Variants in LATS2 observed in about 807,000 individuals in gnomAD.
The protein encoded by LATS2 is serine/threonine-protein kinase LATS2.
In LATS2, 24 loss-of-function variants were observed where a neutral mutation model predicts 76.0. The ratio of observed to expected loss-of-function variants is 0.32; its 90% CI spans 0.23 to 0.44. The LOEUF is 0.44. Ranked by LOEUF, LATS2 falls within the 20% of genes least tolerant of loss-of-function variation. The pLI, the probability that LATS2 is intolerant of heterozygous loss-of-function variation, is 1.00. For synonymous variants in LATS2, 692 were observed against 635.4 expected, an observed-to-expected ratio of 1.09 and a Z score of -1.34; for missense variants, 1,286 against 1,481.2, an observed-to-expected ratio of 0.87 and a Z score of 2.16.
At position 20,973,901 on chromosome 13, in the gene LATS2, A is replaced by G. The variant is rs568783812; in HGVS notation, c.*969T>C. On this transcript the variant is annotated 3_prime_UTR_variant, in exon 8 of 8. Transcript: ENST00000382592. ...CAGAAACGGACATGTGTCCGTGATT[A>G]AACTTTTTGGCATCGCTGTATTAAT... The G allele has an allele frequency of 8.6e-5, 19 of 221,838 alleles. No homozygotes were observed. Among genetic ancestry groups the G allele is most frequent in the Admixed American group, 4.0e-4 (7 of 17,294 alleles). The allele number at this position is 221,838 out of a possible 1,614,324, so 13.7% of individuals were successfully genotyped here.
intron 2 of LATS2, among the ~76,000 whole-genome samples, chr13:21,006,920 G>C (rs1389300884): frequency 6.6e-6 from 1 of 152,198 alleles, no homozygotes; most frequent in East Asian, 1.9e-4. Context: ...ACTGAACAGA[G>C]CTTGCTTCCC....
intron 4 of LATS2, among the ~76,000 whole-genome samples, chr13:20,984,999 AC>A (rs1870076748): frequency 6.6e-6 from 1 of 152,216 alleles, no homozygotes; most frequent in Non-Finnish European, 1.5e-5. Context: ...AAATAAGTCC[AC>A]GTATTTACAG....
chr13:20,999,965 G>C (rs1870970147), intron 2 of LATS2, among the ~76,000 whole-genome samples: 2 of 151,896 alleles, frequency 1.3e-5, no homozygotes, highest in African/African-American at 4.8e-5. Flanking sequence ...GGGAGGCGGA[G>C]GTTGCAGTGA....
At chr13:21,011,102 G>C (rs1327304388) in intron 2 of LATS2, among the ~76,000 whole-genome samples, 1 of 152,170 alleles carries the variant, frequency 6.6e-6, no homozygotes, top group Non-Finnish European at 1.5e-5. Context: ...TCATAGTGAT[G>C]GTGGCATGTT....
chr13:21,018,933 A>G (rs956754498), intron 2 of LATS2, among the ~76,000 whole-genome samples: 3 of 152,170 alleles, frequency 2.0e-5, no homozygotes, highest in African/African-American at 7.2e-5. Flanking sequence ...GGTGTGAGCC[A>G]CTGTGCCTGG....
At chr13:20,975,964 G>T (rs1216485098) in intron 7 of LATS2, among the ~76,000 whole-genome samples, 2 of 152,204 alleles carry the variant, frequency 1.3e-5, no homozygotes, top group Admixed American at 6.5e-5. Flanking sequence ...ATGGCTTTCT[G>T]CAAACCATCA....
intron 2 of LATS2, among the ~76,000 whole-genome samples, chr13:21,039,198 C>T (rs1872784242): frequency 6.6e-6 from 1 of 152,160 alleles, no homozygotes; most frequent in African/African-American, 2.4e-5. Flanking sequence ...CATTGTAATA[C>T]AATTTCCTGT....
intron 2 of LATS2, among the ~76,000 whole-genome samples, chr13:21,013,804 A>G (rs2138345904): frequency 6.6e-6 from 1 of 152,218 alleles, no homozygotes; most frequent in East Asian, 1.9e-4. Context: ...CGTCTCTACA[A>G]AACAATTTAA....
At position 20,987,969 on chromosome 13, in the gene LATS2, A is replaced by G; in HGVS notation, c.1811T>C (p.Phe604Ser). Residue 604 changes from phenylalanine to serine, a missense_variant, in exon 4 of 8, where the codon TTC becomes TCC. Physicochemically the swap from Phe to Ser is radical, Grantham distance 155. This residue lies in a region of LATS2 where 710 missense variants were observed against 660.9 expected (regional missense o/e 1.07). Coordinates refer to ENST00000382592, the MANE Select transcript of LATS2 (RefSeq NM_014572.3). Reference protein sequence around the residue: ...IKSYSPYAFKFFMEQHVENVI... With the variant: ...IKSYSPYAFKSFMEQHVENVI... ...ATTCTCCACGTGCTGCTCCATGAAG[A>G]ACTTAAAGGCGTATGGCGAGTAGCT... 6.2e-7 allele frequency: 1 copy of G among 1,614,226 alleles called. No homozygotes were observed.
intron 2 of LATS2, among the ~76,000 whole-genome samples, chr13:21,041,777 A>AG (rs1014537105): frequency 2.6e-5 from 4 of 152,158 alleles, no homozygotes; most frequent in Non-Finnish European, 4.4e-5. Context: ...TAAGGGGTCC[A>AG]GGGGGCCATG....
chr13:21,028,493 A>C (rs73443365), intron 2 of LATS2, among the ~76,000 whole-genome samples: 1,540 of 152,322 alleles, frequency 0.01, 19 homozygotes, highest in African/African-American at 0.035. Flanking sequence ...TTGCAGTTTT[A>C]AGTGTACAGA....
intron 2 of LATS2, among the ~76,000 whole-genome samples, chr13:21,016,138 C>T (rs1226955766): frequency 1.3e-5 from 2 of 150,000 alleles, no homozygotes; most frequent in African/African-American, 4.9e-5. Context: ...TATAGGCACT[C>T]GCCATCATGC....
intron 2 of LATS2, among the ~76,000 whole-genome samples, chr13:20,992,791 C>A (rs901949891): frequency 6.6e-6 from 1 of 152,044 alleles, no homozygotes; most frequent in Non-Finnish European, 1.5e-5. Context: ...AATCCCAGCA[C>A]TTTGGGAGGC....
chr13:21,041,609 G>A (rs889656132), intron 2 of LATS2, among the ~76,000 whole-genome samples: 1 of 152,140 alleles, frequency 6.6e-6, no homozygotes, highest in Non-Finnish European at 1.5e-5. Context: ...GCAGATCAGA[G>A]GGAGGGTGGA....
chr13:21,022,767 A>G (rs879771315), intron 2 of LATS2, among the ~76,000 whole-genome samples: 2 of 152,204 alleles, frequency 1.3e-5, no homozygotes, highest in South Asian at 4.1e-4. Context: ...ATGTGTTTTT[A>G]TAATACTGGA....
chr13:21,049,153 T>C lies in LATS2; in HGVS notation c.-204-2923A>G, dbSNP rs569811368. Among the ~76,000 whole-genome samples the C allele has an allele frequency of 1.8e-4, 27 of 152,152 alleles. No individual in the cohort carries two copies. The East Asian group carries it at 4.8e-3, about 27-fold the overall frequency. ...GCAATGCAGGCTCTTCCTGGAGACA[T>C]AGGAGGTCAAAGGACTCGGGGGTAG... On this transcript the variant is annotated intron_variant, in intron 1 of 7. Transcript: ENST00000382592.
At chr13:21,052,355 T>TA (rs985792703) in intron 1 of LATS2, among the ~76,000 whole-genome samples, 6 of 152,156 alleles carry the variant, frequency 3.9e-5, no homozygotes, top group African/African-American at 1.2e-4. Flanking sequence ...CCTCTTTATT[T>TA]TTTATTTATT....
rs1244725022 is a variant in LATS2 at position 20,988,428 on chromosome 13, C to A, written c.1352G>T (p.Arg451Met). 1.4e-6 allele frequency: 2 copies of A among 1,473,808 alleles called. No individual in the cohort carries two copies. Among genetic ancestry groups the A allele is most frequent in the Non-Finnish European group, 1.8e-6 (2 of 1,120,866 alleles). 91.3% of individuals were successfully genotyped at this position (1,473,808 alleles called of 1,614,324 possible). ...CCCCACAGCCGTCTGCGGCTCCGGC[C>A]TCAGCACACGCACGCTCTTCACCGG... is the stretch of plus-strand genomic sequence containing the variant. ...LHPVKSVRVL[R>M]PEPQTAVGPS... Residue 451 changes from arginine (R) to methionine (M), a missense_variant, in exon 4 of 8, where the codon AGG becomes ATG. Physicochemically the swap from Arg to Met is moderately conservative, Grantham distance 91. This residue lies in a region of LATS2 where 710 missense variants were observed against 660.9 expected (regional missense o/e 1.07). Coordinates refer to ENST00000382592, the MANE Select transcript of LATS2 (RefSeq NM_014572.3).
rs775806160 is a variant in LATS2 at position 20,991,404 on chromosome 13, C to T, written c.343G>A (p.Glu115Lys). 6.2e-7 allele frequency: 1 copy of T among 1,614,092 alleles called. No homozygotes were observed. The highest frequency in any genetic ancestry group is 8.5e-7 in the Non-Finnish European group (1 of 1,180,032). Residue 115 changes from glutamate to lysine, a missense_variant and splice_region_variant, in exon 3 of 8, where the codon GAG becomes AAG. By Grantham distance (56) the Glu-to-Lys change is moderately conservative (BLOSUM62 1). Coordinates refer to ENST00000382592, the MANE Select transcript of LATS2 (RefSeq NM_014572.3). The surrounding 1 kb of genome is among the most constrained non-coding windows in gnomAD (Gnocchi z 4.9). ...TGCTTGAGAGCTCGGCCAGCCATCTCCTGGGAGGGAAGTAAAGGAGAGGTA... is the reference window on the plus strand; with the variant it reads ...TGCTTGAGAGCTCGGCCAGCCATCTTCTGGGAGGGAAGTAAAGGAGAGGTA... ...QELVNAGCDQ[E>K]MAGRALKQTG...
Sources: gnomAD v4.1 joint callset for allele counts (sites outside exome capture counted in the v4.1 genomes callset) on GRCh38, gnomAD v4.1.1 for gene constraint, gnomAD v4.1.1 regional missense constraint, Gnocchi (gnomAD v3.1) non-coding constraint, MANE v1.5 for transcripts, NCBI Gene and HGNC (gene_info 2026-07-23, HGNC 2026-07-21) for gene names.